Variants in SHANK2 observed in about 807,000 individuals in gnomAD.
The protein encoded by SHANK2 is SH3 and multiple ankyrin repeat domains protein 2.
In SHANK2, 43 loss-of-function variants were observed where a neutral mutation model predicts 133.7. That is an observed-to-expected ratio of 0.32 (90% CI 0.25 to 0.41). The LOEUF is 0.41. Ranked by LOEUF, SHANK2 falls within the 10% of genes least tolerant of loss-of-function variation. The pLI is 1.00. For synonymous variants in SHANK2, 1,017 were observed against 952.8 expected (o/e 1.07, Z -1.24); for missense variants, 1,994 against 2,235.8 (o/e 0.89, Z 2.18).
At chr11:71,109,347 T>G (rs10792475) in intron 6 of SHANK2, among the ~76,000 whole-genome samples, 49,119 of 152,100 alleles carry the variant, frequency 0.32, 8,468 homozygotes, top group East Asian at 0.6. Flanking sequence ...TTGTCACAAC[T>G]AGGGGTTGCT....
intron 12 of SHANK2, among the ~76,000 whole-genome samples, chr11:70,819,209 C>A (rs1948466979): frequency 6.6e-6 from 1 of 152,258 alleles, no homozygotes; most frequent in African/African-American, 2.4e-5. Flanking sequence ...TGAGGGAGTG[C>A]CAAGTCACCA....
chr11:71,177,583 T>C (rs1164059660), intron 2 of SHANK2, among the ~76,000 whole-genome samples: 3 of 152,086 alleles, frequency 2.0e-5, no homozygotes, highest in African/African-American at 7.2e-5. Flanking sequence ...TCTATTAATC[T>C]AAAAGAAGAC....
intron 13 of SHANK2, among the ~76,000 whole-genome samples, chr11:70,806,515 C>A (rs1039141047): frequency 1.3e-5 from 2 of 152,228 alleles, no homozygotes; most frequent in Non-Finnish European, 2.9e-5. Context: ...ATGGCCCCCC[C>A]AGAGGCTTCT....
chr11:70,835,062 A>C (rs1555059678), intron 11 of SHANK2, among the ~76,000 whole-genome samples: 1 of 152,136 alleles, frequency 6.6e-6, no homozygotes, highest in Admixed American at 6.5e-5. Context: ...GGGGTTCCCA[A>C]GGTATATTCT....
chr11:71,227,490 TAA>T (rs797031019), intron 1 of SHANK2, among the ~76,000 whole-genome samples: 56 of 152,114 alleles, frequency 3.7e-4, no homozygotes, highest in African/African-American at 9.4e-4. Context: ...TTACATAATG[TAA>T]GAGAGGACTC....
intron 11 of SHANK2, among the ~76,000 whole-genome samples, chr11:70,876,063 G>A (rs529792072): frequency 7.2e-5 from 11 of 151,940 alleles, no homozygotes; most frequent in Non-Finnish European, 4.4e-5. Flanking sequence ...GGCTGAGGCA[G>A]GAGAATCACT....
intron 17 of SHANK2, among the ~76,000 whole-genome samples, chr11:70,617,640 G>A (rs562143770): frequency 1.8e-4 from 27 of 152,304 alleles, no homozygotes; most frequent in African/African-American, 6.0e-4. Flanking sequence ...CAGAGTTAAC[G>A]GGAGAAGAAG....
chr11:71,227,163 C>T (rs964995011), intron 1 of SHANK2, among the ~76,000 whole-genome samples: 3 of 151,696 alleles, frequency 2.0e-5, no homozygotes, highest in Admixed American at 2.0e-4. Context: ...TTCAAATAAC[C>T]CACAAGAAGG....
At chr11:71,168,710 A>G (rs994099110) in intron 2 of SHANK2, among the ~76,000 whole-genome samples, 1 of 152,238 alleles carries the variant, frequency 6.6e-6, no homozygotes, top group East Asian at 1.9e-4. Context: ...CTGCAATCAC[A>G]GGCAGTCAGC....
chr11:70,497,634 C>T (rs1257150364), intron 21 of SHANK2, among the ~76,000 whole-genome samples: 2 of 152,212 alleles, frequency 1.3e-5, no homozygotes, highest in African/African-American at 4.8e-5. Flanking sequence ...CAGAGCCCCC[C>T]AGCCCATGAG....
intron 17 of SHANK2, among the ~76,000 whole-genome samples, chr11:70,628,062 C>T (rs1365131058): frequency 6.6e-6 from 1 of 152,120 alleles, no homozygotes. Context: ...CAGCTTCAAG[C>T]GATTCTCCTG....
At chr11:71,131,715 CT>C (rs1952310812) in intron 3 of SHANK2, among the ~76,000 whole-genome samples, 1 of 152,136 alleles carries the variant, frequency 6.6e-6, no homozygotes. Flanking sequence ...AGAGAAGTCC[CT>C]TTAGAAGCAA....
intron 25 of SHANK2, chr11:70,474,690 G>C (rs2058640613): frequency 6.6e-6 from 1 of 152,300 alleles, no homozygotes; most frequent in Admixed American, 6.5e-5. Context: ...GGAGAGGTGT[G>C]GGTCTCTTGC....
In SHANK2 at chr11:70,492,375, C is replaced by T. The variant is rs782691540; in HGVS notation, c.2399G>A (p.Arg800Gln). The T allele has an allele frequency of 5.0e-6, 8 of 1,612,946 alleles. No homozygotes were observed. Among genetic ancestry groups the T allele is most frequent in the South Asian group, 3.3e-5 (3 of 91,082 alleles). The change falls in exon 22 of 26, where the codon CGG (arginine) becomes CAG (glutamine). Residue 800 changes from arginine to glutamine, a missense_variant. Coordinates refer to ENST00000601538, the MANE Select transcript of SHANK2 (RefSeq NM_012309.5). ...VEPRVATIKQ[R>Q]PSSRCFPAGS... ...CGCCGGGAAGCACCGGCTGCTGGGC[C>T]GCTGCTTGATGGTCGCCACCCTCGG...
At chr11:70,859,262 A>G (rs1555067358) in intron 11 of SHANK2, among the ~76,000 whole-genome samples, 1 of 152,006 alleles carries the variant, frequency 6.6e-6, no homozygotes, top group Non-Finnish European at 1.5e-5. Context: ...TGGATAGTGG[A>G]TGAATGAATA....
chr11:70,661,472 G>C (rs1346988755), intron 16 of SHANK2, 124 bp downstream of exon 16: 4 of 1,041,196 alleles, frequency 3.8e-6, no homozygotes, highest in Non-Finnish European at 5.8e-6. Flanking sequence ...TTATTCCTGA[G>C]CTGGGGAACG....
In SHANK2 at chr11:70,703,562, G is replaced by C. The variant is rs555322586; in HGVS notation, c.1778-4799C>G. ...GCTGTGCACTGCGCTGAGAGGCAAG[G>C]GCTGCTGGGCTGCCCCTTCCCAAGG... On this transcript the variant is annotated intron_variant, in intron 14 of 25. Transcript: ENST00000601538. Among the ~76,000 whole-genome samples the C allele has an allele frequency of 7.0e-4, 107 of 152,276 alleles. 1 individual carries two copies. Among genetic ancestry groups the C allele is most frequent in the African/African-American group, 2.3e-3 (96 of 41,562 alleles).
intron 2 of SHANK2, among the ~76,000 whole-genome samples, chr11:71,206,478 A>G (rs1008251001): frequency 6.6e-6 from 1 of 152,168 alleles, no homozygotes; most frequent in Admixed American, 6.5e-5. Context: ...GAAAGCCGGG[A>G]GCCAGCAGCG....
intron 17 of SHANK2, among the ~76,000 whole-genome samples, chr11:70,582,211 G>A (rs2060193460): frequency 6.6e-6 from 1 of 152,260 alleles, no homozygotes; most frequent in South Asian, 2.1e-4. Flanking sequence ...GGCCAATGCC[G>A]CCATCCTCAT....
Sources: allele counts gnomAD v4.1 joint callset (sites outside exome capture counted in the v4.1 genomes callset), GRCh38; gene constraint gnomAD v4.1.1; transcripts MANE v1.5; gene names NCBI Gene and HGNC (gene_info 2026-07-23, HGNC 2026-07-21).